ILDR1: variants seen among roughly 807,000 people sequenced by gnomAD.
ILDR1 encodes immunoglobulin like domain containing receptor 1, also known as immunoglobulin-like domain-containing receptor 1.
A neutral mutation model predicts 62.4 loss-of-function variants in ILDR1; 56 were observed. The observed-to-expected ratio is 0.90, with a 90% CI of 0.72 to 1.12. ILDR1 has a LOEUF of 1.12. ILDR1 is among the 50% of genes most tolerant of loss of function. The probability of loss-of-function intolerance (pLI) is 0.00; values close to 1 mark genes in which losing one functional copy is unlikely to be tolerated. For synonymous variants in ILDR1, 284 were observed against 277.8 expected, an observed-to-expected ratio of 1.02 and a Z score of -0.22; for missense variants, 736 against 710.6, an observed-to-expected ratio of 1.04 and a Z score of -0.41.
At chr3:122,001,715 G>A in intron 4 of ILDR1, 30 bp downstream of exon 4, 1 of 1,609,090 alleles carries the variant, frequency 6.2e-7, no homozygotes. Flanking sequence ...CAGTGAGGGT[G>A]ACTGAATAGA....
intron 5 of ILDR1, among the ~76,000 whole-genome samples, chr3:121,995,414 C>T (rs1313950815): frequency 7.2e-5 from 11 of 152,212 alleles, no homozygotes; most frequent in Non-Finnish European, 1.5e-4. Context: ...GCATCCTGAA[C>T]ACAGCCACAT....
the ILDR1 span, among the ~76,000 whole-genome samples, chr3:122,059,995 C>T: frequency 6.6e-6 from 1 of 152,100 alleles, no homozygotes; most frequent in South Asian, 2.1e-4. Flanking sequence ...AGTTTGGACT[C>T]CTGGCTTCCA....
the ILDR1 span, among the ~76,000 whole-genome samples, chr3:122,060,134 AG>A: frequency 1.3e-5 from 2 of 152,210 alleles, no homozygotes; most frequent in Non-Finnish European, 2.9e-5. Flanking sequence ...TAAGTGCATC[AG>A]GGAGGAGGGA....
At chr3:122,010,198 G>A (rs1438385017) in intron 1 of ILDR1, among the ~76,000 whole-genome samples, 1 of 152,204 alleles carries the variant, frequency 6.6e-6, no homozygotes, top group African/African-American at 2.4e-5. Context: ...CAATCTAGCT[G>A]TGTCTCCAGC....
intron 1 of ILDR1, among the ~76,000 whole-genome samples, chr3:122,013,507 A>AT (rs1261292051): frequency 1.3e-5 from 2 of 152,204 alleles, no homozygotes; most frequent in Non-Finnish European, 2.9e-5. Flanking sequence ...AAATGCACAC[A>AT]GGTTCAATGC....
At chr3:122,031,728 A>C in the ILDR1 span, among the ~76,000 whole-genome samples, 1 of 152,216 alleles carries the variant, frequency 6.6e-6, no homozygotes, top group East Asian at 1.9e-4. Flanking sequence ...CAGACATTGA[A>C]TCTGCCAGAA....
intron 6 of ILDR1, 63 bp from the exon 7 acceptor site, chr3:121,994,033 G>T (rs1005813270): frequency 6.5e-7 from 1 of 1,542,490 alleles, no homozygotes; most frequent in African/African-American, 1.4e-5. Context: ...TCAGAATCAG[G>T]ACATCAAAAT....
At chr3:122,047,241 G>A in the ILDR1 span, among the ~76,000 whole-genome samples, 1 of 151,916 alleles carries the variant, frequency 6.6e-6, no homozygotes, top group Non-Finnish European at 1.5e-5. Flanking sequence ...GGGGGTCAGG[G>A]GTCAGGGACC....
chr3:122,008,774 G>A (rs985063851), intron 1 of ILDR1, among the ~76,000 whole-genome samples: 1 of 151,016 alleles, frequency 6.6e-6, no homozygotes, highest in African/African-American at 2.4e-5. Flanking sequence ...TTGTATTTTA[G>A]TAGATGCAGG....
chr3:122,060,656 C>T, the ILDR1 span, among the ~76,000 whole-genome samples: 1 of 152,140 alleles, frequency 6.6e-6, no homozygotes, highest in East Asian at 1.9e-4. Context: ...AAAAAAAAGG[C>T]TAACCAAAAA....
chr3:122,054,059 T>G, the ILDR1 span, among the ~76,000 whole-genome samples: 1 of 152,266 alleles, frequency 6.6e-6, no homozygotes, highest in Non-Finnish European at 1.5e-5. Flanking sequence ...TCAAAGTTGA[T>G]AAAATAATCA....
the ILDR1 span, among the ~76,000 whole-genome samples, chr3:122,057,235 C>T: frequency 1.3e-5 from 2 of 152,148 alleles, no homozygotes; most frequent in African/African-American, 4.8e-5. Context: ...TTTAACCAAG[C>T]AATTCACCTT....
At chr3:122,041,457 T>C in the ILDR1 span, among the ~76,000 whole-genome samples, 2 of 152,230 alleles carry the variant, frequency 1.3e-5, no homozygotes, top group African/African-American at 4.8e-5. Context: ...CTTCCCAGCA[T>C]GTGAAGCCAT....
chr3:122,041,714 T>C, the ILDR1 span, among the ~76,000 whole-genome samples: 1 of 152,154 alleles, frequency 6.6e-6, no homozygotes, highest in Non-Finnish European at 1.5e-5. Flanking sequence ...GGTTGTTCAT[T>C]GTTAGTGTAT....
chr3:122,018,707 G>T (rs977468044), intron 1 of ILDR1, among the ~76,000 whole-genome samples: 4 of 152,212 alleles, frequency 2.6e-5, no homozygotes, highest in African/African-American at 7.2e-5. Context: ...AAAACTGGCT[G>T]GGAGGGGAAG....
At position 121,988,053 on chromosome 3, in the gene ILDR1, C is replaced by T. The variant is rs1354363256; in HGVS notation, c.*314G>A. On this transcript the variant is annotated 3_prime_UTR_variant, in exon 8 of 8. Coordinates refer to ENST00000344209, the MANE Select transcript of ILDR1 (RefSeq NM_001199799.2). ...TCAGCCTCTTGAGTAGCTGGGACTACAAGTGCATGCCACCACACCTAACTA... is the reference window on the plus strand; with the variant it reads ...TCAGCCTCTTGAGTAGCTGGGACTATAAGTGCATGCCACCACACCTAACTA... 4.5e-5 allele frequency: 18 copies of T among 396,394 alleles called. No individual in the cohort carries two copies. Among genetic ancestry groups the T allele is most frequent in the Non-Finnish European group, 8.7e-5 (18 of 205,906 alleles). The allele number at this position is 396,394 out of a possible 1,614,324, so 24.6% of individuals were successfully genotyped here. A position where few individuals can be genotyped will look rare whatever the true frequency, so the allele number is the denominator to read the frequency against.
chr3:122,047,887 G>A, the ILDR1 span, among the ~76,000 whole-genome samples: 1 of 152,210 alleles, frequency 6.6e-6, no homozygotes, highest in Non-Finnish European at 1.5e-5. Context: ...CGTCGCTCAC[G>A]CTGGGAGCTG....
intron 1 of ILDR1, among the ~76,000 whole-genome samples, chr3:122,010,275 G>A (rs945153691): frequency 2.6e-5 from 4 of 152,086 alleles, no homozygotes; most frequent in Non-Finnish European, 4.4e-5. Flanking sequence ...GGGGCGATGG[G>A]GTGAAGTCTA....
Position 121,993,247 on chromosome 3 carries a change from G to C in ILDR1, c.1502C>G (p.Ser501Cys), listed in dbSNP as rs774472194. The C allele has an allele frequency of 3.1e-6, 5 of 1,613,790 alleles. No individual in the cohort carries two copies. Among genetic ancestry groups the C allele is most frequent in the Non-Finnish European group, 4.2e-6 (5 of 1,179,922 alleles). Residue 501 changes from serine (S) to cysteine (C), a missense_variant, in exon 7 of 8, where the codon TCC (serine) becomes TGC (cysteine). Physicochemically the swap from Ser to Cys is moderately radical, Grantham distance 112. Transcript: ENST00000344209. ...SWRAHRRGSH[S>C]PHWPEEKPPS... ...CGGCTTCTCCTCGGGCCAGTGTGGG[G>C]AGTGCGAGCCGCGGCGGTGGGCCCG... is the stretch of plus-strand genomic sequence containing the variant.
Sources: allele counts gnomAD v4.1 joint callset (sites outside exome capture counted in the v4.1 genomes callset), GRCh38; gene constraint gnomAD v4.1.1; transcripts MANE v1.5; gene names NCBI Gene and HGNC (gene_info 2026-07-23, HGNC 2026-07-21).